Variants in RBFOX1 observed in about 807,000 individuals in gnomAD.
RBFOX1 encodes the protein RNA binding fox-1 homolog 1.
A neutral mutation model predicts 57.7 loss-of-function variants in RBFOX1; 8 were observed. The ratio of observed to expected loss-of-function variants is 0.14; its 90% CI spans 0.08 to 0.25. The LOEUF (loss-of-function observed/expected upper bound fraction) is 0.25, where lower values mean the gene tolerates loss of function less well. Among genes scored for constraint, RBFOX1 ranks in the 10% least tolerant of loss-of-function variants. The pLI, the probability that RBFOX1 is intolerant of heterozygous loss-of-function variation, is 1.00. For missense variants in RBFOX1, 611 were observed against 548.5 expected, an observed-to-expected ratio of 1.11 and a Z score of -1.14; for synonymous variants, 326 against 222.4, an observed-to-expected ratio of 1.47 and a Z score of -4.15.
intron 3 of RBFOX1, among the ~76,000 whole-genome samples, chr16:5,609,596 G>A (rs1325985808): frequency 6.6e-6 from 1 of 152,222 alleles, no homozygotes; most frequent in Non-Finnish European, 1.5e-5. Context: ...CTCCAGGCCA[G>A]AGCCTGGCCA....
intron 2 of RBFOX1, among the ~76,000 whole-genome samples, chr16:6,378,844 C>G (rs2091487821): frequency 6.6e-6 from 1 of 152,044 alleles, no homozygotes; most frequent in African/African-American, 2.4e-5. Flanking sequence ...GATTACTCTT[C>G]CTAGAGTGTG....
In RBFOX1 at chr16:7,263,167, T is replaced by C. The variant is rs543128516; in HGVS notation, c.27+211069T>C. Among the ~76,000 whole-genome samples the C allele has an allele frequency of 4.6e-5, 7 of 152,340 alleles. No homozygotes were observed. The East Asian group carries it at 1.2e-3, about 25-fold the overall frequency. ...CATGCTTTATATTATGTGTATTTCT[T>C]CTCTGTTACATTCTAAGCCACTTGA... On this transcript the variant is annotated intron_variant, in intron 4 of 15. Transcript: ENST00000550418.
In RBFOX1 at chr16:5,896,965, T is replaced by G. The variant is rs147255555; in HGVS notation, c.351+29630T>G. The stretch of plus-strand genomic sequence containing the variant: ...TTGAAAGCTACGTTACCCCCGCTAT[T>G]TTTTTAAAATCATAAGGCTCTCCAC... On this transcript the variant is annotated intron_variant, in intron 4 of 19. Coordinates refer to the RBFOX1 transcript ENST00000641259. 2.1e-3 allele frequency among the ~76,000 whole-genome samples: 310 copies of G among 149,990 alleles called. 11 individuals are homozygous for G. In the East Asian group the frequency reaches 0.054, roughly 26 times the overall value.
intron 2 of RBFOX1, among the ~76,000 whole-genome samples, chr16:6,373,251 A>G (rs12446154): frequency 6.9e-6 from 1 of 145,660 alleles, no homozygotes; most frequent in Non-Finnish European, 1.5e-5. Flanking sequence ...GTAGGAGGAT[A>G]GTGTAGAATG....
intron 14 of RBFOX1, among the ~76,000 whole-genome samples, chr16:7,703,071 G>C (rs1318651564): frequency 6.6e-6 from 1 of 152,102 alleles, no homozygotes; most frequent in Non-Finnish European, 1.5e-5. Flanking sequence ...CCTTTAGCTA[G>C]ACCATGGCTC....
At chr16:7,222,376 A>G (rs926723291) in intron 4 of RBFOX1, among the ~76,000 whole-genome samples, 2 of 152,216 alleles carry the variant, frequency 1.3e-5, no homozygotes, top group Admixed American at 1.3e-4. Context: ...TTATGAATAC[A>G]TTCCTCAGCA....
At chr16:5,535,674 A>G (rs2044665896) in intron 2 of RBFOX1, among the ~76,000 whole-genome samples, 1 of 152,178 alleles carries the variant, frequency 6.6e-6, no homozygotes, top group South Asian at 2.1e-4. Flanking sequence ...TCTTGATTGC[A>G]GAATTTGGGA....
rs146868678 is a variant in RBFOX1 at position 6,608,459 on chromosome 16, C to T, written c.-63-46144C>T. Among the ~76,000 whole-genome samples, 568 of 152,274 alleles carry T rather than the reference C, an allele frequency of 3.7e-3. 9 individuals are homozygous for T. Among genetic ancestry groups the T allele is most frequent in the African/African-American group, 0.013 (529 of 41,558 alleles). ...TTTCACCCTTATTCGTTTCCTGTTACTATTTCCCAAATTGTCACAAGCTTA... is the reference window on the plus strand; with the variant it reads ...TTTCACCCTTATTCGTTTCCTGTTATTATTTCCCAAATTGTCACAAGCTTA... On this transcript the variant is annotated intron_variant, in intron 2 of 15. Transcript: ENST00000550418.
intron 1 of RBFOX1, among the ~76,000 whole-genome samples, chr16:5,438,177 C>A (rs74537913): frequency 0.012 from 1,824 of 152,250 alleles, 28 homozygotes; most frequent in African/African-American, 0.042. Context: ...AGAAACAAAG[C>A]TTGTTAGGCG....
At chr16:6,942,819 G>A (rs923342723) in intron 3 of RBFOX1, among the ~76,000 whole-genome samples, 1 of 152,148 alleles carries the variant, frequency 6.6e-6, no homozygotes, top group Admixed American at 6.5e-5. Flanking sequence ...CAGAAAAGAT[G>A]GCTGACCCTG....
At chr16:6,155,395 G>C (rs2096831318) in intron 1 of RBFOX1, among the ~76,000 whole-genome samples, 1 of 152,214 alleles carries the variant, frequency 6.6e-6, no homozygotes, top group African/African-American at 2.4e-5. Flanking sequence ...AGTGAGACTA[G>C]AAGGGCCATC....
intron 1 of RBFOX1, among the ~76,000 whole-genome samples, chr16:5,314,670 T>G (rs74762273): frequency 0.044 from 6,618 of 151,982 alleles, 467 homozygotes; most frequent in African/African-American, 0.15. Flanking sequence ...CCAGCTAATT[T>G]TTTCATTTTT....
intron 4 of RBFOX1, among the ~76,000 whole-genome samples, chr16:5,909,799 C>G (rs930298441): frequency 5.3e-5 from 8 of 152,158 alleles, no homozygotes; most frequent in Admixed American, 3.3e-4. Context: ...GGCCTGTAAT[C>G]TCAGCACTTT....
At chr16:6,887,426 T>C (rs2064329060) in intron 3 of RBFOX1, among the ~76,000 whole-genome samples, 2 of 152,218 alleles carry the variant, frequency 1.3e-5, no homozygotes, top group Non-Finnish European at 2.9e-5. Flanking sequence ...GTATCATCTG[T>C]GGGCTCCATG....
At chr16:5,707,865 A>G (rs1392900009) in intron 3 of RBFOX1, among the ~76,000 whole-genome samples, 1 of 152,232 alleles carries the variant, frequency 6.6e-6, no homozygotes, top group Non-Finnish European at 1.5e-5. Flanking sequence ...CATTGGAATC[A>G]GACAGACTTG....
At chr16:5,584,238 A>G (rs1418660026) in intron 2 of RBFOX1, among the ~76,000 whole-genome samples, 3 of 152,146 alleles carry the variant, frequency 2.0e-5, no homozygotes, top group Non-Finnish European at 4.4e-5. Context: ...CATTCTCCCC[A>G]ACTTCATTTT....
intron 1 of RBFOX1, among the ~76,000 whole-genome samples, chr16:5,259,222 T>C (rs1161986253): frequency 1.3e-5 from 2 of 152,234 alleles, no homozygotes; most frequent in East Asian, 3.9e-4. Context: ...TAGTTCCATG[T>C]TTCTACAACC....
intron 3 of RBFOX1, among the ~76,000 whole-genome samples, chr16:5,612,450 A>C (rs1200521694): frequency 2.0e-5 from 3 of 149,212 alleles, no homozygotes; most frequent in African/African-American, 7.3e-5. Context: ...GTGGGTCTAC[A>C]GTTTAGTGAG....
At chr16:6,251,403 A>G (rs1236709791) in intron 1 of RBFOX1, among the ~76,000 whole-genome samples, 3 of 152,134 alleles carry the variant, frequency 2.0e-5, no homozygotes, top group African/African-American at 7.2e-5. Flanking sequence ...TCACACAGTC[A>G]GTGTGTGGAG....
Sources: allele counts gnomAD v4.1 joint callset (sites outside exome capture counted in the v4.1 genomes callset), GRCh38; gene constraint gnomAD v4.1.1; transcripts MANE v1.5; gene names NCBI Gene and HGNC (gene_info 2026-07-23, HGNC 2026-07-21).